The following ME3 variants were observed in gnomAD, a reference collection of about 807,000 sequenced individuals.
ME3 encodes the protein NADP-dependent malic enzyme, mitochondrial.
ME3 carries 48 observed loss-of-function variants against 68.9 expected under a neutral mutation model. The ratio of observed to expected loss-of-function variants is 0.70; its 90% confidence interval spans 0.55 to 0.89. The LOEUF is 0.89. ME3 is among the 40% of genes least tolerant of loss of function. The pLI, the probability that ME3 is intolerant of heterozygous loss-of-function variation, is 0.00. For synonymous variants in ME3, 320 were observed against 318.8 expected (o/e 1.00, Z -0.04); for missense variants, 675 against 797.4 (o/e 0.85, Z 1.85).
chr11:86,663,632 G>A (rs969660308), intron 2 of ME3, among the ~76,000 whole-genome samples: 1 of 152,124 alleles, frequency 6.6e-6, no homozygotes, highest in African/African-American at 2.4e-5. Flanking sequence ...CTTTTGCAAT[G>A]GCCATAGAAA....
intron 2 of ME3, among the ~76,000 whole-genome samples, chr11:86,586,891 G>A (rs1465562232): frequency 5.3e-5 from 8 of 152,202 alleles, no homozygotes; most frequent in Non-Finnish European, 1.2e-4. Flanking sequence ...TTGATAGACA[G>A]AGTTGGATAG....
chr11:86,640,514 A>G (rs531853567), intron 2 of ME3, among the ~76,000 whole-genome samples: 3 of 152,238 alleles, frequency 2.0e-5, no homozygotes, highest in East Asian at 3.9e-4. Context: ...GGGGCCACAG[A>G]TTTTCACACT....
chr11:86,504,184 C>A (rs569326667), intron 5 of ME3, among the ~76,000 whole-genome samples: 20 of 152,160 alleles, frequency 1.3e-4, no homozygotes, highest in African/African-American at 4.3e-4. Flanking sequence ...TGAACCACTC[C>A]TCTTTCTAGG....
chr11:86,489,003 C>T (rs1332466748), intron 6 of ME3: 1 of 151,976 alleles, frequency 6.6e-6, no homozygotes, highest in Non-Finnish European at 1.5e-5. Flanking sequence ...GAAGACAGCA[C>T]AAGGAAAGGT....
chr11:86,498,639 A>G (rs1952519463), intron 5 of ME3, among the ~76,000 whole-genome samples: 1 of 152,222 alleles, frequency 6.6e-6, no homozygotes, highest in African/African-American at 2.4e-5. Context: ...TTCTAGGATC[A>G]CTATTGCATA....
intron 4 of ME3, among the ~76,000 whole-genome samples, chr11:86,530,244 C>G (rs1308544005): frequency 1.3e-5 from 2 of 152,078 alleles, no homozygotes; most frequent in African/African-American, 4.8e-5. Context: ...AACTCCCATT[C>G]ACAAATGCTT....
intron 2 of ME3, among the ~76,000 whole-genome samples, chr11:86,608,040 T>C (rs956473114): frequency 1.3e-5 from 2 of 152,160 alleles, no homozygotes; most frequent in African/African-American, 4.8e-5. Flanking sequence ...ATACATTTTA[T>C]TTCAGAATTG....
At chr11:86,451,821 A>T (rs1949647677) in intron 8 of ME3, among the ~76,000 whole-genome samples, 1 of 152,210 alleles carries the variant, frequency 6.6e-6, no homozygotes, top group Non-Finnish European at 1.5e-5. Flanking sequence ...GCTTTTAATC[A>T]AGGACTTTAA....
intron 2 of ME3, among the ~76,000 whole-genome samples, chr11:86,633,880 C>T (rs930080357): frequency 2.0e-5 from 3 of 152,148 alleles, no homozygotes; most frequent in Non-Finnish European, 4.4e-5. Flanking sequence ...ACAGGCCCAC[C>T]ATCAGTGGCA....
At chr11:86,653,916 C>T (rs186002110) in intron 2 of ME3, among the ~76,000 whole-genome samples, 7 of 152,234 alleles carry the variant, frequency 4.6e-5, no homozygotes, top group African/African-American at 1.7e-4. Flanking sequence ...AAGGGTATAT[C>T]ACCACCAATC....
intron 2 of ME3, among the ~76,000 whole-genome samples, chr11:86,650,037 A>G (rs1198862220): frequency 6.6e-6 from 1 of 152,238 alleles, no homozygotes; most frequent in African/African-American, 2.4e-5. Context: ...TGGAGGCATC[A>G]TGCTACCTGA....
At chr11:86,637,846 A>T (rs1483909336) in intron 2 of ME3, among the ~76,000 whole-genome samples, 1 of 152,006 alleles carries the variant, frequency 6.6e-6, no homozygotes, top group East Asian at 1.9e-4. Flanking sequence ...GACATCCTGA[A>T]CTCTGCACAC....
chr11:86,537,954 T>C (rs1955796528), intron 4 of ME3, among the ~76,000 whole-genome samples: 1 of 152,238 alleles, frequency 6.6e-6, no homozygotes, highest in South Asian at 2.1e-4. Context: ...CTGAAGAACC[T>C]GCCCAAGGTG....
chr11:86,560,367 G>A (rs935555256), intron 2 of ME3, among the ~76,000 whole-genome samples: 1 of 152,076 alleles, frequency 6.6e-6, no homozygotes, highest in Non-Finnish European at 1.5e-5. Context: ...TACTATGATT[G>A]TAAGTTTCCT....
chr11:86,544,332 C>T (rs910661692), intron 4 of ME3, among the ~76,000 whole-genome samples: 4 of 151,440 alleles, frequency 2.6e-5, no homozygotes, highest in Non-Finnish European at 5.9e-5. Context: ...GATAGAGACA[C>T]AAAAAAAATT....
At chr11:86,492,963 T>A (rs1952089764) in intron 6 of ME3, among the ~76,000 whole-genome samples, 1 of 152,164 alleles carries the variant, frequency 6.6e-6, no homozygotes, top group African/African-American at 2.4e-5. Flanking sequence ...CACAGCACGC[T>A]TTCTCCTCAC....
intron 2 of ME3, among the ~76,000 whole-genome samples, chr11:86,648,641 T>C (rs897712847): frequency 6.6e-5 from 10 of 152,072 alleles, no homozygotes; most frequent in Admixed American, 6.5e-4. Context: ...TAAAAAATGA[T>C]AAAGGGGATA....
intron 2 of ME3, among the ~76,000 whole-genome samples, chr11:86,612,483 G>A (rs545583033): frequency 1.6e-4 from 24 of 152,132 alleles, no homozygotes; most frequent in Non-Finnish European, 2.5e-4. Context: ...TTGAGGAACC[G>A]CCATACTGTC....
At chr11:86,572,475 C>T (rs1394345377) in intron 2 of ME3, among the ~76,000 whole-genome samples, 1 of 152,138 alleles carries the variant, frequency 6.6e-6, no homozygotes, top group Non-Finnish European at 1.5e-5. Context: ...TGTTGTTCCC[C>T]TCCTTGTGTC....
Sources: gnomAD v4.1 joint callset for allele counts (sites outside exome capture counted in the v4.1 genomes callset) on GRCh38, gnomAD v4.1.1 for gene constraint, MANE v1.5 for transcripts, NCBI Gene and HGNC (gene_info 2026-07-23, HGNC 2026-07-21) for gene names.